The following TNFRSF10D variants were observed in gnomAD, a reference collection of about 807,000 sequenced individuals.
The protein encoded by TNFRSF10D is tumor necrosis factor receptor superfamily member 10D.
In TNFRSF10D, 28 loss-of-function variants were observed where a neutral mutation model predicts 42.1. The ratio of observed to expected loss-of-function variants is 0.66; its 90% CI spans 0.49 to 0.91. The LOEUF is 0.91. Ranked by LOEUF, TNFRSF10D falls within the 40% of genes least tolerant of loss-of-function variation. TNFRSF10D has a pLI of 0.00. For missense variants in TNFRSF10D, 503 were observed against 486.1 expected, an observed-to-expected ratio of 1.03 and a Z score of -0.33; for synonymous variants, 186 against 189.4, an observed-to-expected ratio of 0.98 and a Z score of 0.15.
intron 1 of TNFRSF10D, among the ~76,000 whole-genome samples, chr8:23,159,199 C>A (rs1800326929): frequency 1.3e-5 from 2 of 152,208 alleles, no homozygotes; most frequent in Admixed American, 6.5e-5. Context: ...CTCCTGGGCT[C>A]TAAGGATGCA....
chr8:23,148,107 G>A (rs1179526864), intron 3 of TNFRSF10D, among the ~76,000 whole-genome samples: 6 of 150,116 alleles, frequency 4.0e-5, no homozygotes, highest in Non-Finnish European at 8.9e-5. Context: ...GGGTGTGGTG[G>A]TGCATGCCTG....
At chr8:23,158,098 C>T (rs1276532724) in intron 1 of TNFRSF10D, among the ~76,000 whole-genome samples, 1 of 152,234 alleles carries the variant, frequency 6.6e-6, no homozygotes, top group Non-Finnish European at 1.5e-5. Flanking sequence ...AAGTCACCTG[C>T]TCGGCCATCT....
chr8:23,163,974 A>G lies in TNFRSF10D; in HGVS notation c.-39T>C. 2.0e-6 allele frequency: 3 copies of G among 1,525,726 alleles called. No individual in the cohort carries two copies. Among genetic ancestry groups the G allele is most frequent in the Middle Eastern group, 1.7e-4 (1 of 5,724 alleles). The allele number at this position is 1,525,726 out of a possible 1,614,324, so 94.5% of individuals were successfully genotyped here. A position where few individuals can be genotyped will look rare whatever the true frequency, so the allele number is the denominator to read the frequency against. ...GGTGGATCGAAAGCGCCAAAAATCA[A>G]TCAGAAATCGTCCCCGTAGTTTGTG... On this transcript the variant is annotated 5_prime_UTR_variant, in exon 1 of 9. Transcript: ENST00000312584.
At chr8:23,145,529 G>T in intron 5 of TNFRSF10D, 139 bp downstream of exon 5, 1 of 1,285,832 alleles carries the variant, frequency 7.8e-7, no homozygotes, top group Non-Finnish European at 1.1e-6. Context: ...TGGGGATGGG[G>T]CGATCACAAG....
At chr8:23,154,514 T>A (rs1800248387) in intron 2 of TNFRSF10D, among the ~76,000 whole-genome samples, 1 of 152,258 alleles carries the variant, frequency 6.6e-6, no homozygotes. Context: ...AGTGCTTTAC[T>A]GCATTGCTTT....
At chr8:23,153,877 T>A (rs1469765466) in intron 2 of TNFRSF10D, among the ~76,000 whole-genome samples, 2 of 152,134 alleles carry the variant, frequency 1.3e-5, no homozygotes, top group Non-Finnish European at 2.9e-5. Context: ...TGTGTATACA[T>A]CCAAAGGAAA....
chr8:23,161,017 T>C (rs749582439), intron 1 of TNFRSF10D, among the ~76,000 whole-genome samples: 878 of 152,138 alleles, frequency 5.8e-3, no homozygotes, highest in African/African-American at 0.018. Context: ...CCAGGGAGCC[T>C]GGTATGGAGG....
chr8:23,147,833 T>G (rs7819258), intron 3 of TNFRSF10D, among the ~76,000 whole-genome samples: 1 of 151,592 alleles, frequency 6.6e-6, no homozygotes, highest in African/African-American at 2.4e-5. Flanking sequence ...GAGGCCGAGG[T>G]GGGTGGATCA....
rs556908423 is a variant in TNFRSF10D, at chr8:23,156,739, T to C, written c.151-1760A>G. On this transcript the variant is annotated intron_variant, in intron 1 of 8. Transcript: ENST00000312584. ...AGTGCCCCAATGCCTGGGCTAATAT[T>C]GGTGTATTTTATACAGCTGGGGTTT... Among the ~76,000 whole-genome samples the C allele has an allele frequency of 2.3e-3, 353 of 152,182 alleles. 3 individuals are homozygous for C. The highest frequency in any genetic ancestry group is 8.0e-3 in the African/African-American group (334 of 41,522).
At chr8:23,155,815 T>TCTG (rs1800270722) in intron 1 of TNFRSF10D, among the ~76,000 whole-genome samples, 116 of 149,970 alleles carry the variant, frequency 7.7e-4, no homozygotes, top group African/African-American at 2.5e-3. Context: ...TGGGTGAATA[T>TCTG]TCTCTCTCTC....
intron 8 of TNFRSF10D, 46 bp from the exon 9 acceptor site, chr8:23,138,049 T>A: frequency 6.2e-7 from 1 of 1,611,828 alleles, no homozygotes; most frequent in Non-Finnish European, 8.5e-7. Flanking sequence ...CCAAGGACGA[T>A]CAGCACAGGA....
intron 1 of TNFRSF10D, among the ~76,000 whole-genome samples, chr8:23,160,673 C>T (rs1800354527): frequency 1.3e-5 from 2 of 152,138 alleles, no homozygotes; most frequent in African/African-American, 4.8e-5. Context: ...TGGCACTGTC[C>T]CCACTGTCTC....
chr8:23,148,646 TC>T, intron 2 of TNFRSF10D, 95 bp from the exon 3 acceptor site: 3 of 858,382 alleles, frequency 3.5e-6, no homozygotes, highest in South Asian at 1.5e-5. Flanking sequence ...CTCAGTGGAA[TC>T]CAGACAGAGA....
intron 7 of TNFRSF10D, among the ~76,000 whole-genome samples, chr8:23,138,562 G>T (rs1446088435): frequency 6.6e-6 from 1 of 152,064 alleles, no homozygotes; most frequent in Non-Finnish European, 1.5e-5. Context: ...GTCCCCTTCT[G>T]CCCCATCTAA....
intron 2 of TNFRSF10D, among the ~76,000 whole-genome samples, chr8:23,149,874 C>T (rs1057091220): frequency 5.9e-5 from 9 of 152,080 alleles, no homozygotes; most frequent in African/African-American, 2.2e-4. Flanking sequence ...GAATTTCTGA[C>T]TGTTATTTTG....
chr8:23,142,926 G>A lies in TNFRSF10D; in HGVS notation c.954+1524C>T, dbSNP rs192261855. On this transcript the variant is annotated intron_variant, in intron 7 of 8. Transcript: ENST00000312584. ...CTGAATGAAGAAGGGCTGGGGGCTGGAGGAAGTGTTAGGGGACTACCACTA... is the reference window on the plus strand; with the variant it reads ...CTGAATGAAGAAGGGCTGGGGGCTGAAGGAAGTGTTAGGGGACTACCACTA... 2.6e-5 allele frequency among the ~76,000 whole-genome samples: 4 copies of A among 152,186 alleles called. No homozygotes were observed. The East Asian group carries it at 7.7e-4, about 29-fold the overall frequency.
At position 23,154,903 on chromosome 8, in the gene TNFRSF10D, C is replaced by A. The variant is rs199892568; in HGVS notation, c.227G>T (p.Arg76Leu). The change falls in exon 2 of 9, where the codon CGC becomes CTC. Residue 76 changes from arginine to leucine, a missense_variant. Physicochemically the swap from Arg to Leu is moderately radical, Grantham distance 102. Coordinates refer to ENST00000312584, the MANE Select transcript of TNFRSF10D (RefSeq NM_003840.5). Reference protein sequence around the residue: ...QQTVAPQQQRRSLKEEECPAG... With the variant: ...QQTVAPQQQRLSLKEEECPAG... ...TGGACACTCCTCCTCCTTGAGGCTGCGCCTCTGTTGCTGTGGGGCCACTGT... is the reference window on the plus strand; with the variant it reads ...TGGACACTCCTCCTCCTTGAGGCTGAGCCTCTGTTGCTGTGGGGCCACTGT... The A allele has an allele frequency of 2.9e-5, 46 of 1,613,748 alleles. No individual in the cohort carries two copies. The East Asian group carries it at 9.4e-4, about 33-fold the overall frequency.
intron 1 of TNFRSF10D, among the ~76,000 whole-genome samples, chr8:23,161,189 C>T (rs368680552): frequency 4.6e-3 from 703 of 151,898 alleles, no homozygotes; most frequent in African/African-American, 0.014. Context: ...TTTTTATCTC[C>T]TCTTCACTTT....
In TNFRSF10D at chr8:23,136,369, T is replaced by C. The variant is rs780783805; in HGVS notation, c.*1501A>G. The C allele has an allele frequency of 4.1e-5, 8 of 194,676 alleles. No individual in the cohort carries two copies. Among genetic ancestry groups the C allele is most frequent in the Non-Finnish European group, 7.4e-5 (7 of 94,582 alleles). The allele number at this position is 194,676 out of a possible 1,614,324, so 12.1% of individuals were successfully genotyped here. On this transcript the variant is annotated 3_prime_UTR_variant, in exon 9 of 9. Transcript: ENST00000312584. ...CCAAGCTCCTCAAACAGGGAATCTGTACCCTAAAACGCAGCTCAGGAATCT... is the reference window on the plus strand; with the variant it reads ...CCAAGCTCCTCAAACAGGGAATCTGCACCCTAAAACGCAGCTCAGGAATCT...
Sources: gnomAD v4.1 joint callset for allele counts (sites outside exome capture counted in the v4.1 genomes callset) on GRCh38, gnomAD v4.1.1 for gene constraint, MANE v1.5 for transcripts, NCBI Gene and HGNC (gene_info 2026-07-23, HGNC 2026-07-21) for gene names.